Variants in POLH observed in about 807,000 individuals in gnomAD.
POLH encodes the protein DNA polymerase eta transcript.
Under a neutral mutation model 73.6 loss-of-function variants are expected in POLH, and 53 were observed. The ratio of observed to expected loss-of-function variants is 0.72; its 90% CI spans 0.58 to 0.91. POLH has a LOEUF of 0.91. Among genes scored for constraint, POLH ranks in the 40% least tolerant of loss-of-function variants. The pLI is 0.00. For missense variants in POLH, 768 were observed against 865.4 expected (o/e 0.89, Z 1.41); for synonymous variants, 292 against 308.5 (o/e 0.95, Z 0.56).
chr6:43,611,778 G>A (rs967650856), intron 10 of POLH, among the ~76,000 whole-genome samples: 1 of 151,976 alleles, frequency 6.6e-6, no homozygotes, highest in South Asian at 2.1e-4. Flanking sequence ...TCATAGGGCC[G>A]GGCGCGGTGG....
At chr6:43,595,699 C>T (rs982176510) in intron 4 of POLH, among the ~76,000 whole-genome samples, 4 of 152,084 alleles carry the variant, frequency 2.6e-5, no homozygotes, top group Admixed American at 6.6e-5. Flanking sequence ...AGGAGAATGG[C>T]GTGGACCCAG....
Position 43,587,489 on chromosome 6 carries a change from G to T in POLH, c.490G>T (p.Glu164Ter), listed in dbSNP as rs767433001. The change falls in exon 4 of 11, where the codon GAG becomes TAG. Residue 164 changes from glutamate (E) to a stop codon, truncating the protein, a stop_gained and splice_region_variant. Transcript: ENST00000372236. LOFTEE classifies it high-confidence loss of function. ...AACGGCAGAAGAGACTGTTCAGAAAGGTACTTCCATAGCATCATACTGCTT... is the reference window on the plus strand; with the variant it reads ...AACGGCAGAAGAGACTGTTCAGAAATGTACTTCCATAGCATCATACTGCTT... Reference protein sequence around the residue: ...PTTAEETVQKEGMRKQGLFQW... With the variant: ...PTTAEETVQK 1.2e-5 allele frequency: 19 copies of T among 1,606,424 alleles called. No individual in the cohort carries two copies. The East Asian group carries it at 4.0e-4, about 34-fold the overall frequency.
At chr6:43,595,772 G>T (rs764270905) in intron 4 of POLH, among the ~76,000 whole-genome samples, 4 of 151,974 alleles carry the variant, frequency 2.6e-5, no homozygotes, top group Admixed American at 1.3e-4. Flanking sequence ...AACAGAGCGA[G>T]ATTCTATCTC....
chr6:43,593,256 C>A (rs1365457477), intron 4 of POLH, among the ~76,000 whole-genome samples: 1 of 152,150 alleles, frequency 6.6e-6, no homozygotes, highest in Non-Finnish European at 1.5e-5. Flanking sequence ...CTAAATCTTA[C>A]TAGTGCTCAA....
In POLH at chr6:43,615,976, C is replaced by G. The variant is rs1247104170; in HGVS notation, c.*1419C>G. On this transcript the variant is annotated 3_prime_UTR_variant, in exon 11 of 11. Coordinates refer to ENST00000372236, the MANE Select transcript of POLH (RefSeq NM_006502.3). ...TGTTAGCCACCGATCCTGGCCCCCCCAAAAAAAGGATTTTAAGAAAAACTT... is the reference window on the plus strand; with the variant it reads ...TGTTAGCCACCGATCCTGGCCCCCCGAAAAAAAGGATTTTAAGAAAAACTT... Among the ~76,000 whole-genome samples, 2 of 151,318 alleles carry G rather than the reference C, an allele frequency of 1.3e-5. No homozygotes were observed. Among genetic ancestry groups the G allele is most frequent in the African/African-American group, 4.8e-5 (2 of 41,258 alleles).
At chr6:43,612,380 CTTG>C (rs956187332) in intron 10 of POLH, among the ~76,000 whole-genome samples, 1 of 146,774 alleles carries the variant, frequency 6.8e-6, no homozygotes, top group Non-Finnish European at 1.5e-5. Context: ...GAATCTCGCT[CTTG>C]TTGTCTAGGC....
intron 1 of POLH, among the ~76,000 whole-genome samples, chr6:43,580,862 C>G (rs1214373842): frequency 3.4e-5 from 5 of 148,178 alleles, no homozygotes; most frequent in African/African-American, 5.0e-5. Flanking sequence ...CCCCTCACCT[C>G]CCAGACGGGG....
At chr6:43,601,208 G>A in intron 6 of POLH, 117 bp downstream of exon 6, 1 of 751,550 alleles carries the variant, frequency 1.3e-6, no homozygotes, top group Non-Finnish European at 2.4e-6. Flanking sequence ...ATACCAGGCA[G>A]TTAGAAGGAA....
intron 4 of POLH, among the ~76,000 whole-genome samples, chr6:43,594,516 G>A (rs556337331): frequency 7.8e-4 from 118 of 152,204 alleles, no homozygotes; most frequent in African/African-American, 2.7e-3. Flanking sequence ...AGACCAGCCT[G>A]GCCAACATGG....
Position 43,582,401 on chromosome 6 carries a change from C to T in POLH, c.82C>T (p.His28Tyr). 1 of 1,614,040 alleles carries T rather than the reference C, an allele frequency of 6.2e-7. No individual in the cohort carries two copies. The highest frequency in any genetic ancestry group is 8.5e-7 in the Non-Finnish European group (1 of 1,179,890). Residue 28 changes from histidine (H) to tyrosine (Y), a missense_variant, in exon 2 of 11, where the codon CAT becomes TAT. Coordinates refer to ENST00000372236, the MANE Select transcript of POLH (RefSeq NM_006502.3). ...TCAAGTGGAGCAGCGGCAAAATCCTCATTTGAGGAATAAACCTTGTGCAGT... is the reference window on the plus strand; with the variant it reads ...TCAAGTGGAGCAGCGGCAAAATCCTTATTTGAGGAATAAACCTTGTGCAGT... ...FVQVEQRQNP[H>Y]LRNKPCAVVQ...
intron 1 of POLH, among the ~76,000 whole-genome samples, chr6:43,581,572 C>A (rs1673652886): frequency 6.6e-6 from 1 of 150,470 alleles, no homozygotes; most frequent in Non-Finnish European, 1.5e-5. Context: ...GCCCGCGGGG[C>A]CCGTCCGCTC....
Position 43,587,455 on chromosome 6 carries a change from A to G in POLH, c.456A>G (p.Gln152=). Residue 152 remains glutamine, a synonymous_variant, in exon 4 of 11, where the codon CAA becomes CAG. Coordinates refer to ENST00000372236, the MANE Select transcript of POLH (RefSeq NM_006502.3). ...GCACTTACATTGAAGGGTTGCCCCA[A>G]GGCCCTACAACGGCAGAAGAGACTG... The part of the protein sequence containing the change: ...LPSTYIEGLP[Q]GPTTAEETVQ... 2 of 1,614,084 alleles carry G rather than the reference A, an allele frequency of 1.2e-6. No individual in the cohort carries two copies. The highest frequency in any genetic ancestry group is 1.7e-6 in the Non-Finnish European group (2 of 1,179,920).
chr6:43,600,417 CAA>C (rs34823014), intron 5 of POLH, among the ~76,000 whole-genome samples: 1 of 128,390 alleles, frequency 7.8e-6, no homozygotes. Context: ...GACTCTGTCT[CAA>C]AAAAAAAAAA....
chr6:43,610,547 C>T lies in POLH; in HGVS notation c.1075-7C>T, dbSNP rs559889027. The T allele has an allele frequency of 1.2e-6, 2 of 1,613,352 alleles. No individual in the cohort carries two copies. The highest frequency in any genetic ancestry group is 1.1e-5 in the South Asian group (1 of 91,064). On this transcript the variant is annotated splice_polypyrimidine_tract_variant and splice_region_variant and intron_variant, in intron 9 of 10. Transcript: ENST00000372236. ...TTATTTCTGGTCTCCATCCTTTCCA[C>T]CCACAGAATGACAGGGTAGCCACCC...
intron 3 of POLH, among the ~76,000 whole-genome samples, chr6:43,584,984 TAAAACA>T (rs1246954815): frequency 6.6e-6 from 1 of 151,770 alleles, no homozygotes; most frequent in Non-Finnish European, 1.5e-5. Flanking sequence ...CTACCAAAAT[TAAAACA>T]AAAACAAAAA....
Position 43,617,825 on chromosome 6 carries a change from G to A in POLH, c.*3268G>A, listed in dbSNP as rs569865224. Among the ~76,000 whole-genome samples, 1 of 152,198 alleles carries A rather than the reference G, an allele frequency of 6.6e-6. No homozygotes were observed. The highest frequency in any genetic ancestry group is 2.1e-4 in the South Asian group (1 of 4,826). ...AGTCCCAGCTACTTGGGAGGCTGAG[G>A]CAGAAGAATTGCTTGACCTGGGAGG... On this transcript the variant is annotated 3_prime_UTR_variant, in exon 11 of 11. Transcript: ENST00000372236.
At chr6:43,589,281 C>T (rs1765185407) in intron 4 of POLH, among the ~76,000 whole-genome samples, 1 of 152,144 alleles carries the variant, frequency 6.6e-6, no homozygotes, top group African/African-American at 2.4e-5. Flanking sequence ...AGACCATTTT[C>T]CCTAGTGACA....
rs755973003 is a variant in POLH, at chr6:43,601,056, C to T, written c.729C>T (p.Val243=). 6.2e-7 allele frequency: 1 copy of T among 1,613,926 alleles called. No individual in the cohort carries two copies. Among genetic ancestry groups the T allele is most frequent in the African/African-American group, 1.3e-5 (1 of 75,008 alleles). ...AAACCCTGGTTTCACATGGGTCAGTCCCACAGCTCTTCAGCCAAATGCCCA... is the reference window on the plus strand; with the variant it reads ...AAACCCTGGTTTCACATGGGTCAGTTCCACAGCTCTTCAGCCAAATGCCCA... The part of the protein sequence containing the change: ...NRQTLVSHGS[V]PQLFSQMPIR... The change falls in exon 6 of 11, where the codon GTC becomes GTT. Residue 243 remains valine (V), a synonymous_variant. Transcript: ENST00000372236.
chr6:43,620,234 A>G lies in POLH; in HGVS notation c.*5677A>G. Reference sequence around the variant, plus strand: ...AGCAAGTGGCCAACTCTTCAAATACAGGGTAGCTACCTATTTCACGTGAAA... The same window carrying G: ...AGCAAGTGGCCAACTCTTCAAATACGGGGTAGCTACCTATTTCACGTGAAA... On this transcript the variant is annotated 3_prime_UTR_variant, in exon 11 of 11. Transcript: ENST00000372236. 1 of 515,166 alleles carries G rather than the reference A, an allele frequency of 1.9e-6. No homozygotes were observed. The highest frequency in any genetic ancestry group is 3.9e-6 in the Non-Finnish European group (1 of 259,086). 31.9% of individuals were successfully genotyped at this position (515,166 alleles called of 1,614,324 possible). A position where few individuals can be genotyped will look rare whatever the true frequency, so the allele number is the denominator to read the frequency against.
Sources: allele counts gnomAD v4.1 joint callset (sites outside exome capture counted in the v4.1 genomes callset), GRCh38; gene constraint gnomAD v4.1.1; transcripts MANE v1.5; gene names NCBI Gene and HGNC (gene_info 2026-07-23, HGNC 2026-07-21).